Variants in ZNF804A observed in about 807,000 individuals in gnomAD.
The protein encoded by ZNF804A is zinc finger protein 804A.
A neutral mutation model predicts 16.5 loss-of-function variants in ZNF804A; 2 were observed. That is an observed-to-expected ratio of 0.12 (90% CI 0.05 to 0.38). The LOEUF (loss-of-function observed/expected upper bound fraction) is 0.38, where lower values mean the gene tolerates loss of function less well. ZNF804A is among the 10% of genes least tolerant of loss of function. ZNF804A has a pLI of 0.99. For synonymous variants in ZNF804A, 534 were observed against 489.6 expected, an observed-to-expected ratio of 1.09 and a Z score of -1.20; for missense variants, 1,473 against 1,390.7, an observed-to-expected ratio of 1.06 and a Z score of -0.94.
chr2:184,644,132 A>G (rs1691837204), intron 1 of ZNF804A, among the ~76,000 whole-genome samples: 1 of 151,612 alleles, frequency 6.6e-6, no homozygotes, highest in Admixed American at 6.6e-5. Context: ...AACCTTCTGA[A>G]AAAAAATACT....
chr2:184,629,608 T>C lies in ZNF804A; in HGVS notation c.111+30538T>C, dbSNP rs1204924744. Reference sequence around the variant, plus strand: ...AAAGTAAAATACAGCTTCAGTTGTATGTAACATTAAAATAAAAAGCCTTTT... The same window carrying C: ...AAAGTAAAATACAGCTTCAGTTGTACGTAACATTAAAATAAAAAGCCTTTT... On this transcript the variant is annotated intron_variant, in intron 1 of 3. Transcript: ENST00000302277. 2.0e-5 allele frequency among the ~76,000 whole-genome samples: 3 copies of C among 152,184 alleles called. No homozygotes were observed. In the East Asian group the frequency reaches 5.8e-4, roughly 29 times the overall value.
intron 2 of ZNF804A, among the ~76,000 whole-genome samples, chr2:184,905,592 A>G (rs1685258216): frequency 6.6e-6 from 1 of 152,062 alleles, no homozygotes; most frequent in African/African-American, 2.4e-5. Flanking sequence ...TTTTTTCTGT[A>G]GTAGAACCAG....
chr2:184,617,530 G>A (rs777979781), intron 1 of ZNF804A, among the ~76,000 whole-genome samples: 28 of 151,698 alleles, frequency 1.8e-4, no homozygotes, highest in Non-Finnish European at 3.8e-4. Flanking sequence ...TTTAACAATT[G>A]AGAGCTTGGA....
chr2:184,732,783 T>G (rs538300822), intron 1 of ZNF804A, among the ~76,000 whole-genome samples: 6 of 152,156 alleles, frequency 3.9e-5, no homozygotes, highest in Non-Finnish European at 5.9e-5. Context: ...GGGATGTTAA[T>G]GTCTAATGTA....
intron 1 of ZNF804A, among the ~76,000 whole-genome samples, chr2:184,749,844 T>C (rs897402994): frequency 5.3e-5 from 8 of 151,266 alleles, no homozygotes; most frequent in Non-Finnish European, 1.0e-4. Flanking sequence ...GTATTCAGCT[T>C]TCATTTGAAA....
At chr2:184,757,841 G>T (rs1693982468) in intron 1 of ZNF804A, among the ~76,000 whole-genome samples, 1 of 152,006 alleles carries the variant, frequency 6.6e-6, no homozygotes, top group South Asian at 2.1e-4. Flanking sequence ...TAAGCAGAAA[G>T]ACTTAGCTGA....
At position 184,936,033 on chromosome 2, in the gene ZNF804A, G is replaced by A. The variant is rs139641449; in HGVS notation, c.637G>A (p.Gly213Ser). Residue 213 changes from glycine (G) to serine (S), a missense_variant, in exon 4 of 4, where the codon GGC (glycine) becomes AGC (serine). Coordinates refer to ENST00000302277, the MANE Select transcript of ZNF804A (RefSeq NM_194250.2). ...CCAGGGGATTCACAGACACAAAATCGGCTTTTCTTTTGCATTTCCAAAGAA... is the reference window on the plus strand; with the variant it reads ...CCAGGGGATTCACAGACACAAAATCAGCTTTTCTTTTGCATTTCCAAAGAA... Reference protein sequence around the residue: ...QAQGIHRHKIGFSFAFPKKAS... With the variant: ...QAQGIHRHKISFSFAFPKKAS... The A allele has an allele frequency of 1.2e-5, 20 of 1,613,786 alleles. No individual in the cohort carries two copies. The highest frequency in any genetic ancestry group is 4.0e-5 in the African/African-American group (3 of 74,860).
chr2:184,685,837 T>C (rs146238580), intron 1 of ZNF804A, among the ~76,000 whole-genome samples: 2 of 152,288 alleles, frequency 1.3e-5, no homozygotes, highest in Admixed American at 6.5e-5. Context: ...CCTTTCAGCC[T>C]AGAAACCTGT....
intron 2 of ZNF804A, among the ~76,000 whole-genome samples, chr2:184,874,826 G>A (rs1276775760): frequency 1.3e-5 from 2 of 152,062 alleles, no homozygotes; most frequent in Non-Finnish European, 2.9e-5. Context: ...AAAGTCCACA[G>A]AAGCACAGGA....
intron 1 of ZNF804A, among the ~76,000 whole-genome samples, chr2:184,606,866 C>G (rs889136317): frequency 1.3e-5 from 2 of 152,122 alleles, no homozygotes; most frequent in Admixed American, 1.3e-4. Flanking sequence ...TACACACACA[C>G]ACACATATCA....
intron 1 of ZNF804A, among the ~76,000 whole-genome samples, chr2:184,615,316 C>T (rs190053472): frequency 6.6e-6 from 1 of 152,206 alleles, no homozygotes; most frequent in African/African-American, 2.4e-5. Context: ...ACATGTATAC[C>T]TATGTAACAC....
chr2:184,715,278 A>G (rs1263306001), intron 1 of ZNF804A, among the ~76,000 whole-genome samples: 2 of 152,178 alleles, frequency 1.3e-5, no homozygotes, highest in African/African-American at 4.8e-5. Flanking sequence ...GTACTCATGA[A>G]GTTTAGTTAA....
In ZNF804A at chr2:184,755,940, C is replaced by CA. The variant is rs151168522; in HGVS notation, c.112-110423dup. ...TTTCATTTAAAGTCATTATAAGTCT[C>CA]AAAAAATACATATTTTCTTCATAAC... is the stretch of plus-strand genomic sequence containing the variant. On this transcript the variant is annotated intron_variant, in intron 1 of 3. Transcript: ENST00000302277. Among the ~76,000 whole-genome samples the CA allele has an allele frequency of 5.2e-3, 784 of 152,010 alleles. 8 individuals carry two copies. Among genetic ancestry groups the CA allele is most frequent in the African/African-American group, 0.018 (739 of 41,522 alleles).
At chr2:184,626,390 C>G (rs924782692) in intron 1 of ZNF804A, among the ~76,000 whole-genome samples, 2 of 152,006 alleles carry the variant, frequency 1.3e-5, no homozygotes, top group African/African-American at 4.8e-5. Flanking sequence ...AGAATTTATG[C>G]TTTTGGAATT....
chr2:184,920,925 A>G (rs1685519768), intron 2 of ZNF804A, among the ~76,000 whole-genome samples: 1 of 152,198 alleles, frequency 6.6e-6, no homozygotes, highest in Non-Finnish European at 1.5e-5. Context: ...TGATGAAAGG[A>G]CAGGTATGCA....
At chr2:184,640,207 A>T (rs1691771900) in intron 1 of ZNF804A, among the ~76,000 whole-genome samples, 1 of 151,598 alleles carries the variant, frequency 6.6e-6, no homozygotes, top group South Asian at 2.1e-4. Context: ...GGAGCAGGGG[A>T]AAAGAACGAG....
chr2:184,891,213 T>A (rs1431983592), intron 2 of ZNF804A, among the ~76,000 whole-genome samples: 1 of 152,168 alleles, frequency 6.6e-6, no homozygotes, highest in East Asian at 1.9e-4. Flanking sequence ...AGGAAGTTTA[T>A]TTTTCCTGCC....
intron 1 of ZNF804A, among the ~76,000 whole-genome samples, chr2:184,640,508 A>G (rs1396216861): frequency 6.6e-6 from 1 of 152,118 alleles, no homozygotes; most frequent in Non-Finnish European, 1.5e-5. Flanking sequence ...TATGAAGCCA[A>G]TGCTTCCTTA....
chr2:184,885,617 AAG>A (rs1438078283), intron 2 of ZNF804A, among the ~76,000 whole-genome samples: 8 of 152,092 alleles, frequency 5.3e-5, no homozygotes, highest in Non-Finnish European at 1.2e-4. Flanking sequence ...TGGGAAGAAA[AAG>A]AGGTTTATTT....
Sources: gnomAD v4.1 joint callset for allele counts (sites outside exome capture counted in the v4.1 genomes callset) on GRCh38, gnomAD v4.1.1 for gene constraint, MANE v1.5 for transcripts, NCBI Gene and HGNC (gene_info 2026-07-23, HGNC 2026-07-21) for gene names.